The following UBR4 variants were observed in gnomAD, a reference collection of about 807,000 sequenced individuals.
UBR4 encodes the protein E3 ubiquitin-protein ligase UBR4.
Under a neutral mutation model 575.6 loss-of-function variants are expected in UBR4, and 124 were observed. The observed-to-expected ratio is 0.22, with a 90% confidence interval of 0.19 to 0.25. The LOEUF is 0.25. Among genes scored for constraint, UBR4 ranks in the 10% least tolerant of loss-of-function variants. The pLI is 1.00. For synonymous variants in UBR4, 2,455 were observed against 2,473.7 expected, an observed-to-expected ratio of 0.99 and a Z score of 0.22; for missense variants, 4,818 against 6,478.8, an observed-to-expected ratio of 0.74 and a Z score of 8.80.
chr1:19,087,932 G>A lies in UBR4; in HGVS notation c.14431-3C>T. The A allele has an allele frequency of 6.3e-7, 1 of 1,599,864 alleles. No individual in the cohort carries two copies. Among genetic ancestry groups the A allele is most frequent in the Non-Finnish European group, 8.5e-7 (1 of 1,170,696 alleles). ...ACGACCTGGCCCTTTTCATTTGTCTGTAGGGGAACCCCGGTGGCATGTCAA... is the reference window on the plus strand; with the variant it reads ...ACGACCTGGCCCTTTTCATTTGTCTATAGGGGAACCCCGGTGGCATGTCAA... On this transcript the variant is annotated splice_polypyrimidine_tract_variant and splice_region_variant and intron_variant, in intron 98 of 105. Transcript: ENST00000375254.
At chr1:19,163,939 G>A (rs1302268799) in intron 33 of UBR4, 112 bp from the exon 34 acceptor site, 1 of 1,194,474 alleles carries the variant, frequency 8.4e-7, no homozygotes, top group Admixed American at 1.9e-5. Context: ...CTGTGAAGCA[G>A]AAGCATTCTT....
chr1:19,081,589 CATG>C lies in UBR4; in HGVS notation c.15009-19_15009-17del, dbSNP rs1393501530. ...TGCTCGGGTTCTAGAAGAAAAGCGG[CATG>C]ATAAAATAAAAGCAGGGTGGAAGCA... On this transcript the variant is annotated splice_polypyrimidine_tract_variant and intron_variant, in intron 102 of 105. Coordinates refer to ENST00000375254, the MANE Select transcript of UBR4 (RefSeq NM_020765.3). 1 of 1,613,730 alleles carries C rather than the reference CATG, an allele frequency of 6.2e-7. No homozygotes were observed. Among genetic ancestry groups the C allele is most frequent in the African/African-American group, 1.3e-5 (1 of 74,810 alleles).
chr1:19,114,849 C>A lies in UBR4; in HGVS notation c.11164G>T (p.Ala3722Ser). Residue 3722 changes from alanine to serine, a missense_variant, in exon 75 of 106, where the codon GCA (alanine) becomes TCA (serine). Physicochemically the swap from Ala to Ser is moderately conservative, Grantham distance 99. This residue lies in a region of UBR4 where 333 missense variants were observed against 459.2 expected (regional missense o/e 0.73). Coordinates refer to ENST00000375254, the MANE Select transcript of UBR4 (RefSeq NM_020765.3). Reference sequence around the variant, plus strand: ...TCTTCATTCTCAATGGGATCCACTGCACAGCAAGGCTTGGCATAGAGCATG... The same window carrying A: ...TCTTCATTCTCAATGGGATCCACTGAACAGCAAGGCTTGGCATAGAGCATG... ...DFMLYAKPCC[A>S]VDPIENEEDR... 1 of 1,614,222 alleles carries A rather than the reference C, an allele frequency of 6.2e-7. No homozygotes were observed. Among genetic ancestry groups the A allele is most frequent in the Non-Finnish European group, 8.5e-7 (1 of 1,180,038 alleles).
intron 67 of UBR4, 125 bp from the exon 68 acceptor site, chr1:19,121,559 T>C: frequency 8.1e-7 from 1 of 1,235,502 alleles, no homozygotes; most frequent in Non-Finnish European, 1.1e-6. Context: ...CCATGTTCTC[T>C]CTGCTGGACA....
chr1:19,169,898 TTTTCTC>T (rs1471855187), intron 26 of UBR4, among the ~76,000 whole-genome samples: 1 of 152,236 alleles, frequency 6.6e-6, no homozygotes, highest in Non-Finnish European at 1.5e-5. Flanking sequence ...TCTTGATCTC[TTTTCTC>T]TTTAAGACGA....
chr1:19,124,772 CG>C, intron 64 of UBR4, 82 bp from the exon 65 acceptor site: 1 of 1,539,708 alleles, frequency 6.5e-7, no homozygotes, highest in Non-Finnish European at 8.8e-7. Flanking sequence ...GCTCATTAGA[CG>C]TATTACATGT....
intron 83 of UBR4, 138 bp downstream of exon 83, chr1:19,106,431 C>A: frequency 8.5e-7 from 1 of 1,177,358 alleles, no homozygotes; most frequent in Non-Finnish European, 1.1e-6. Flanking sequence ...TGTACTCACT[C>A]CCTATTTGAA....
In UBR4 at chr1:19,121,221, C is replaced by A. The variant is rs1313373601; in HGVS notation, c.10109G>T (p.Ser3370Ile). Residue 3370 changes from serine to isoleucine, a missense_variant, in exon 68 of 106, where the codon AGC becomes ATC. Coordinates refer to ENST00000375254, the MANE Select transcript of UBR4 (RefSeq NM_020765.3). Reference protein sequence around the residue: ...TTQSKSSTKKSKKEEKEKEKD... With the variant: ...TTQSKSSTKKIKKEEKEKEKD... ...CTCCTTTTCTTTTTCTTCTTTCTTG[C>A]TCTTTTTAGTGGAAGACTTGGACTG... is the stretch of plus-strand genomic sequence containing the variant. 3 of 1,614,038 alleles carry A rather than the reference C, an allele frequency of 1.9e-6. No individual in the cohort carries two copies. The Admixed American group carries it at 5.0e-5, about 27-fold the overall frequency.
At position 19,157,365 on chromosome 1, in the gene UBR4, A is replaced by G. The variant is rs972325203; in HGVS notation, c.5761-440T>C. On this transcript the variant is annotated intron_variant, in intron 40 of 105. Transcript: ENST00000375254. The surrounding 1 kb of genome is among the most constrained non-coding windows in gnomAD (Gnocchi z 4.4). ...GATACCTAGCACTCTTCCAACTTCT[A>G]CTAGCTCTATAACACAATACAAACT... 4.6e-5 allele frequency among the ~76,000 whole-genome samples: 7 copies of G among 152,234 alleles called. No individual in the cohort carries two copies. Among genetic ancestry groups the G allele is most frequent in the African/African-American group, 1.7e-4 (7 of 41,466 alleles).
chr1:19,123,168 C>G, intron 65 of UBR4, 108 bp from the exon 66 acceptor site: 1 of 1,240,382 alleles, frequency 8.1e-7, no homozygotes, highest in Admixed American at 2.1e-5. Context: ...AAGCTGGGGA[C>G]AGGCCGGGCA....
chr1:19,136,430 T>C (rs1367799820), intron 60 of UBR4, among the ~76,000 whole-genome samples: 2 of 152,216 alleles, frequency 1.3e-5, no homozygotes, highest in Non-Finnish European at 2.9e-5. Flanking sequence ...AAATTTCATT[T>C]TGGATAAGGT....
At chr1:19,196,294 C>G (rs994222767) in intron 8 of UBR4, among the ~76,000 whole-genome samples, 3 of 152,166 alleles carry the variant, frequency 2.0e-5, no homozygotes, top group African/African-American at 4.8e-5. Context: ...TTATCTTTAT[C>G]TTCCTATTCA....
chr1:19,138,950 G>A (rs562651942), intron 59 of UBR4, 133 bp downstream of exon 59: 11 of 1,152,158 alleles, frequency 9.5e-6, no homozygotes, highest in East Asian at 5.5e-5. Flanking sequence ...AAGACTTTCA[G>A]AGAGTCCACA....
chr1:19,139,124 C>T lies in UBR4; in HGVS notation c.8690G>A (p.Ser2897Asn). The change falls in exon 59 of 106, where the codon AGC (serine) becomes AAC (asparagine). Residue 2897 changes from serine (S) to asparagine (N), a missense_variant. By Grantham distance (46) the Ser-to-Asn change is conservative (BLOSUM62 1). Transcript: ENST00000375254. This position sits in a 1 kb window ranked among gnomAD's most constrained non-coding sequence, Gnocchi z 4.2. ...ADHGGSVGSESGGSAVDSVAG... is the reference protein window; with the variant it reads ...ADHGGSVGSENGGSAVDSVAG... ...CACTGAGTCCACTGCACTGCCCCCG[C>T]TCTCCGAGCCCACACTACCACCGTG... The T allele has an allele frequency of 6.2e-7, 1 of 1,614,034 alleles. No individual in the cohort carries two copies. The highest frequency in any genetic ancestry group is 8.5e-7 in the Non-Finnish European group (1 of 1,179,956).
intron 65 of UBR4, 158 bp downstream of exon 65, chr1:19,124,383 C>T: frequency 1.1e-6 from 1 of 924,162 alleles, no homozygotes; most frequent in Non-Finnish European, 1.6e-6. Flanking sequence ...AGTTCTACCA[C>T]ACAGTATGTT....
At chr1:19,163,007 T>C (rs908532222) in intron 34 of UBR4, among the ~76,000 whole-genome samples, 13 of 152,238 alleles carry the variant, frequency 8.5e-5, no homozygotes, top group African/African-American at 2.9e-4. Flanking sequence ...GAAAGTCATT[T>C]TAATTATCAG....
rs918252375 is a variant in UBR4, at chr1:19,089,032, T to C, written c.14212-55A>G. On this transcript the variant is annotated intron_variant, in intron 97 of 105. Transcript: ENST00000375254. This position sits in a 1 kb window ranked among gnomAD's most constrained non-coding sequence, Gnocchi z 4.3. The stretch of plus-strand genomic sequence containing the variant: ...CCTCCAATTATGTAGACAAACCTTC[T>C]TCCCGGGAGCTTAAAGGTTTAGAAA... The C allele has an allele frequency of 5.1e-6, 8 of 1,568,726 alleles. No individual in the cohort carries two copies. In the Admixed American group the frequency reaches 7.1e-5, roughly 14 times the overall value.
chr1:19,124,062 T>C (rs1449787937), intron 65 of UBR4, among the ~76,000 whole-genome samples: 4 of 152,204 alleles, frequency 2.6e-5, no homozygotes, highest in African/African-American at 9.7e-5. Context: ...CACAGTGAGT[T>C]CTAATCATCA....
chr1:19,196,639 G>A (rs1302048016), intron 8 of UBR4, among the ~76,000 whole-genome samples: 4 of 152,132 alleles, frequency 2.6e-5, no homozygotes, highest in Admixed American at 2.0e-4. Context: ...ATCATTCTTC[G>A]CATTTATCAG....
Sources: gnomAD v4.1 joint callset for allele counts (sites outside exome capture counted in the v4.1 genomes callset) on GRCh38, gnomAD v4.1.1 for gene constraint, gnomAD v4.1.1 regional missense constraint, Gnocchi (gnomAD v3.1) non-coding constraint, MANE v1.5 for transcripts, NCBI Gene and HGNC (gene_info 2026-07-23, HGNC 2026-07-21) for gene names.